The following PIK3CD variants were observed in gnomAD, a reference collection of about 807,000 sequenced individuals.
PIK3CD encodes phosphatidylinositol-4,5-bisphosphate 3-kinase catalytic subunit delta, also known as phosphatidylinositol 4,5-bisphosphate 3-kinase catalytic subunit delta isoform.
PIK3CD carries 20 observed loss-of-function variants against 122.9 expected under a neutral mutation model. That is an observed-to-expected ratio of 0.16 (90% CI 0.11 to 0.24). PIK3CD has a LOEUF of 0.24. PIK3CD is among the 10% of genes least tolerant of loss of function. The pLI is 1.00. For missense variants in PIK3CD, 787 were observed against 1,406.3 expected, an observed-to-expected ratio of 0.56 and a Z score of 7.04; for synonymous variants, 596 against 593.4, an observed-to-expected ratio of 1.00 and a Z score of -0.06.
chr1:9,629,572 G>A, the PIK3CD span, among the ~76,000 whole-genome samples: 4 of 151,814 alleles, frequency 2.6e-5, no homozygotes, highest in African/African-American at 7.3e-5. Flanking sequence ...GGGAAAGGCT[G>A]TGTGACCTTG....
In PIK3CD at chr1:9,695,671, G is replaced by A. The variant is rs542152048; in HGVS notation, c.-33+4100G>A. Among the ~76,000 whole-genome samples the A allele has an allele frequency of 2.0e-4, 31 of 152,032 alleles. 1 individual carries two copies. The East Asian group carries it at 5.4e-3, about 27-fold the overall frequency. The stretch of plus-strand genomic sequence containing the variant: ...AGCCTGGCCAACATGGTGAAACCCT[G>A]TCTCTACTAAAAATACAAAAATTAG... On this transcript the variant is annotated intron_variant, in intron 2 of 23. Coordinates refer to ENST00000377346, the MANE Select transcript of PIK3CD (RefSeq NM_005026.5).
At position 9,728,688 on chromosome 1, in the gene PIK3CD, T is replaced by G. The variant is rs1325813108; in HGVS notation, c.*1642T>G. On this transcript the variant is annotated 3_prime_UTR_variant, in exon 24 of 24. Transcript: ENST00000377346. ...GGGGAAAGCCGTGCGTGCGCGTTAT[T>G]TATTTAAGTGCGCCTGTGTGCGCGG... 6.6e-6 allele frequency: 1 copy of G among 152,164 alleles called. No homozygotes were observed. The highest frequency in any genetic ancestry group is 1.9e-4 in the East Asian group (1 of 5,194). 9.4% of individuals were successfully genotyped at this position (152,164 alleles called of 1,614,324 possible).
intron 2 of PIK3CD, among the ~76,000 whole-genome samples, chr1:9,693,028 T>A (rs1646264876): frequency 1.3e-5 from 2 of 152,318 alleles, no homozygotes; most frequent in Non-Finnish European, 2.9e-5. Context: ...ATATTTTTAA[T>A]CCTCATGCTT....
At chr1:9,683,484 C>T (rs909797920) in intron 1 of PIK3CD, among the ~76,000 whole-genome samples, 1 of 151,760 alleles carries the variant, frequency 6.6e-6, no homozygotes, top group Non-Finnish European at 1.5e-5. Flanking sequence ...AAAAAACGAG[C>T]CTTGTGCCTT....
chr1:9,700,997 C>T lies in PIK3CD; in HGVS notation c.-33+9426C>T, dbSNP rs907591705. Among the ~76,000 whole-genome samples, 19 of 152,248 alleles carry T rather than the reference C, an allele frequency of 1.2e-4. No individual in the cohort carries two copies. Among genetic ancestry groups the T allele is most frequent in the African/African-American group, 3.4e-4 (14 of 41,560 alleles). The stretch of plus-strand genomic sequence containing the variant: ...TGGCACCGGCCTCCTTCCCCTGCCC[C>T]CTACTCCCCTTCCTCCCTGCTTCTC... On this transcript the variant is annotated intron_variant, in intron 2 of 23. Coordinates refer to ENST00000377346, the MANE Select transcript of PIK3CD (RefSeq NM_005026.5). The surrounding 1 kb of genome is among the most constrained non-coding windows in gnomAD (Gnocchi z 5.1).
chr1:9,679,063 C>CTTTTTTTTTT (rs148088382), intron 1 of PIK3CD, among the ~76,000 whole-genome samples: 1 of 116,574 alleles, frequency 8.6e-6, no homozygotes, highest in African/African-American at 3.4e-5. Context: ...TCAGGAGAAA[C>CTTTTTTTTTT]TTTTTTTTTT....
Position 9,718,093 on chromosome 1 carries a change from C to T in PIK3CD, c.1020+467C>T, listed in dbSNP as rs1466876155. 2 of 466,956 alleles carry T rather than the reference C, an allele frequency of 4.3e-6. No homozygotes were observed. Among genetic ancestry groups the T allele is most frequent in the South Asian group, 3.1e-5 (2 of 64,656 alleles). The allele number at this position is 466,956 out of a possible 1,614,324, so 28.9% of individuals were successfully genotyped here. On this transcript the variant is annotated intron_variant, in intron 8 of 23. Transcript: ENST00000377346. The surrounding 1 kb of genome is among the most constrained non-coding windows in gnomAD (Gnocchi z 7.2). The stretch of plus-strand genomic sequence containing the variant: ...CTCTTAACACTTTCACACGCTCCAT[C>T]GCAACAGCCTGCAGTCATGGGCTTT...
chr1:9,639,833 G>A, the PIK3CD span, among the ~76,000 whole-genome samples: 9 of 152,118 alleles, frequency 5.9e-5, no homozygotes, highest in African/African-American at 2.2e-4. Context: ...GGGTTCAAGC[G>A]ATTCTTGTGC....
At chr1:9,661,724 C>T (rs902837211) in intron 1 of PIK3CD, among the ~76,000 whole-genome samples, 1 of 151,544 alleles carries the variant, frequency 6.6e-6, no homozygotes, top group Non-Finnish European at 1.5e-5. Context: ...TGGCCGGGCG[C>T]GGTGGCTCAC....
At chr1:9,648,938 TA>T (rs1644631925), upstream of PIK3CD, among the ~76,000 whole-genome samples, 1 of 151,950 alleles carries the variant, frequency 6.6e-6, no homozygotes, top group African/African-American at 2.4e-5. Flanking sequence ...TCGTCTCTAC[TA>T]AAAAATACAA....
At chr1:9,676,938 G>A (rs1422603000) in intron 1 of PIK3CD, among the ~76,000 whole-genome samples, 3 of 152,226 alleles carry the variant, frequency 2.0e-5, no homozygotes, top group Non-Finnish European at 2.9e-5. Context: ...CTCTGAGAAT[G>A]GAAGCATTGT....
Position 9,718,012 on chromosome 1 carries a change from C to A in PIK3CD, c.1020+386C>A. ...GGAGGCACCAGGGCGGTGCCTGCAG[C>A]CTGTGAGGGCTGCACCTGCCTCAAC... On this transcript the variant is annotated intron_variant, in intron 8 of 23. Coordinates refer to ENST00000377346, the MANE Select transcript of PIK3CD (RefSeq NM_005026.5). The surrounding 1 kb of genome is among the most constrained non-coding windows in gnomAD (Gnocchi z 7.2). 1 of 464,228 alleles carries A rather than the reference C, an allele frequency of 2.2e-6. No homozygotes were observed. The highest frequency in any genetic ancestry group is 4.2e-6 in the Non-Finnish European group (1 of 236,296). 28.8% of individuals were successfully genotyped at this position (464,228 alleles called of 1,614,324 possible).
chr1:9,711,903 C>CT (rs1235810173), intron 3 of PIK3CD, among the ~76,000 whole-genome samples: 2,524 of 146,720 alleles, frequency 0.017, 80 homozygotes, highest in African/African-American at 0.058. Context: ...ATCTCTTTTT[C>CT]TTTTTTTTTT....
At chr1:9,653,657 G>T in intron 1 of PIK3CD, 1 of 492,362 alleles carries the variant, frequency 2.0e-6, no homozygotes, top group Non-Finnish European at 3.6e-6. Flanking sequence ...GAGTGGGGCG[G>T]AAGGTTCTTT....
At chr1:9,630,707 A>AGTGTGTGTGTGTGTGTGT in the PIK3CD span, among the ~76,000 whole-genome samples, 1 of 147,548 alleles carries the variant, frequency 6.8e-6, no homozygotes, top group African/African-American at 2.5e-5. Flanking sequence ...AAAGAAAGTG[A>AGTGTGTGTGTGTGTGTGT]GTGTGTGTGT....
At chr1:9,633,064 T>C in the PIK3CD span, among the ~76,000 whole-genome samples, 3 of 152,128 alleles carry the variant, frequency 2.0e-5, no homozygotes, top group South Asian at 4.1e-4. Context: ...GGTTTCACCA[T>C]GTTAGCCAGG....
In PIK3CD at chr1:9,652,131, T is replaced by C. The variant is rs975605850; in HGVS notation, c.-138+329T>C. 2.6e-5 allele frequency among the ~76,000 whole-genome samples: 4 copies of C among 152,004 alleles called. No homozygotes were observed. The highest frequency in any genetic ancestry group is 5.9e-5 in the Non-Finnish European group (4 of 67,930). On this transcript the variant is annotated intron_variant, in intron 1 of 23. Coordinates refer to ENST00000377346, the MANE Select transcript of PIK3CD (RefSeq NM_005026.5). The surrounding 1 kb of genome is among the most constrained non-coding windows in gnomAD (Gnocchi z 6.2). ...CCTGGCCCGGCAGCGGGGTTTCAGC[T>C]GCGCTCACAGCGGCGGTGCGGCCTC...
intron 14 of PIK3CD, 94 bp from the exon 15 acceptor site, chr1:9,721,350 C>T (rs981781315): frequency 2.5e-6 from 4 of 1,608,458 alleles, no homozygotes; most frequent in Admixed American, 1.7e-5. Flanking sequence ...CGTGGGCTTG[C>T]TCCCTCCTGC....
chr1:9,675,136 A>G (rs1031429157), intron 1 of PIK3CD, among the ~76,000 whole-genome samples: 1 of 151,878 alleles, frequency 6.6e-6, no homozygotes, highest in Admixed American at 6.6e-5. Context: ...TTGTAATCCC[A>G]GCACTTTGGG....
Sources: allele counts gnomAD v4.1 joint callset (sites outside exome capture counted in the v4.1 genomes callset), GRCh38; gene constraint gnomAD v4.1.1; non-coding constraint Gnocchi (gnomAD v3.1); transcripts MANE v1.5; gene names NCBI Gene and HGNC (gene_info 2026-07-23, HGNC 2026-07-21).